The following TNRC6B variants were observed in gnomAD, a reference collection of about 807,000 sequenced individuals.
The protein encoded by TNRC6B is trinucleotide repeat containing adaptor 6B, also known as trinucleotide repeat-containing gene 6B protein.
In TNRC6B, 52 loss-of-function variants were observed where a neutral mutation model predicts 203.6. The ratio of observed to expected loss-of-function variants is 0.26; its 90% confidence interval spans 0.20 to 0.32. TNRC6B has a LOEUF of 0.32. Among genes scored for constraint, TNRC6B ranks in the 10% least tolerant of loss-of-function variants. TNRC6B has a pLI of 1.00. For synonymous variants in TNRC6B, 838 were observed against 845.7 expected, an observed-to-expected ratio of 0.99 and a Z score of 0.16; for missense variants, 1,923 against 2,286.2, an observed-to-expected ratio of 0.84 and a Z score of 3.24.
rs1042495636 is a variant in TNRC6B at position 40,329,043 on chromosome 22, CAAA to C, written c.*5808_*5810del. On this transcript the variant is annotated 3_prime_UTR_variant, in exon 23 of 23. Coordinates refer to ENST00000454349, the MANE Select transcript of TNRC6B (RefSeq NM_001162501.2). ...GCAAAAAAAAAAAACAAAAACAAAA[CAAA>C]AAAAAGCCTTGTTCTTTAATTGTGT... is the stretch of plus-strand genomic sequence containing the variant. The C allele has an allele frequency of 6.7e-6, 1 of 149,630 alleles. No homozygotes were observed. The highest frequency in any genetic ancestry group is 1.5e-5 in the Non-Finnish European group (1 of 67,250). The allele number at this position is 149,630 out of a possible 1,614,324, so 9.3% of individuals were successfully genotyped here.
intron 1 of TNRC6B, among the ~76,000 whole-genome samples, chr22:40,192,432 C>T (rs1055907033): frequency 2.0e-5 from 3 of 152,074 alleles, no homozygotes; most frequent in African/African-American, 4.8e-5. Flanking sequence ...GCCTAGCCAA[C>T]GTGGTGAAAC....
intron 1 of TNRC6B, among the ~76,000 whole-genome samples, chr22:40,075,157 T>TATATATATATATATATATATA (rs1491547107): frequency 1.0e-3 from 36 of 34,354 alleles, no homozygotes; most frequent in Admixed American, 1.7e-3. Context: ...TATATATATA[T>TATATATATATATATATATATA]TTTTTTTTTT....
At chr22:40,178,199 G>C in intron 1 of TNRC6B, 59 bp downstream of exon 1, 1 of 1,581,246 alleles carries the variant, frequency 6.3e-7, no homozygotes. Context: ...TTGTCTAACC[G>C]TTTTCACTGG....
At chr22:40,210,283 T>C (rs1342215149) in intron 1 of TNRC6B, among the ~76,000 whole-genome samples, 1 of 152,056 alleles carries the variant, frequency 6.6e-6, no homozygotes, top group Non-Finnish European at 1.5e-5. Context: ...AGACAGACAG[T>C]GAGTAAGAAA....
chr22:40,219,123 G>A (rs887082247), intron 1 of TNRC6B, among the ~76,000 whole-genome samples: 7 of 152,328 alleles, frequency 4.6e-5, no homozygotes, highest in Middle Eastern at 3.4e-3. Flanking sequence ...GTCACCCATT[G>A]TATAGGATTT....
chr22:40,146,369 A>G (rs2068695268), intron 3 of TNRC6B, among the ~76,000 whole-genome samples: 1 of 151,826 alleles, frequency 6.6e-6, no homozygotes, highest in South Asian at 2.1e-4. Flanking sequence ...GATGTGAAGG[A>G]AGCTTTCATG....
At chr22:40,231,688 T>C (rs1206914053) in intron 1 of TNRC6B, among the ~76,000 whole-genome samples, 2 of 152,186 alleles carry the variant, frequency 1.3e-5, no homozygotes, top group Non-Finnish European at 2.9e-5. Flanking sequence ...GATTTTAATA[T>C]AGGGAATCGA....
In TNRC6B at chr22:40,258,071, C is replaced by CTTTTTTTTTTT. The variant is rs56078653; in HGVS notation, c.116-3741_116-3731dup. ...GAAATCAGAAAATAGGATACACAGC[C>CTTTTTTTTTTT]TTTTTTTTTTTTTTTTTTTTTTTTT... On this transcript the variant is annotated intron_variant, in intron 3 of 22. Coordinates refer to ENST00000454349, the MANE Select transcript of TNRC6B (RefSeq NM_001162501.2). Among the ~76,000 whole-genome samples, 124 of 28,714 alleles carry CTTTTTTTTTTT rather than the reference C, an allele frequency of 4.3e-3. 18 individuals are homozygous for CTTTTTTTTTTT. Among genetic ancestry groups the CTTTTTTTTTTT allele is most frequent in the Non-Finnish European group, 6.5e-3 (101 of 15,532 alleles). The allele number at this position is 28,714 out of a possible 152,430, so 18.8% of individuals were successfully genotyped here. A position where few individuals can be genotyped will look rare whatever the true frequency, so the allele number is the denominator to read the frequency against.
intron 1 of TNRC6B, among the ~76,000 whole-genome samples, chr22:40,098,721 T>C (rs2068208062): frequency 6.6e-6 from 1 of 152,228 alleles, no homozygotes; most frequent in Non-Finnish European, 1.5e-5. Context: ...CATATTTCTT[T>C]AATTTTTTTT....
chr22:40,300,220 T>TA (rs1228459405), intron 12 of TNRC6B, among the ~76,000 whole-genome samples: 1 of 152,186 alleles, frequency 6.6e-6, no homozygotes, highest in Non-Finnish European at 1.5e-5. Flanking sequence ...TTATACTTTT[T>TA]ATTGTAGAAA....
chr22:40,225,612 G>A (rs1400490833), intron 1 of TNRC6B, among the ~76,000 whole-genome samples: 3 of 152,054 alleles, frequency 2.0e-5, no homozygotes, highest in East Asian at 1.9e-4. Flanking sequence ...GTGTGGCGGC[G>A]TGTGCCTGTA....
chr22:40,295,895 T>A (rs1212881738), intron 12 of TNRC6B, among the ~76,000 whole-genome samples: 1 of 152,068 alleles, frequency 6.6e-6, no homozygotes, highest in Non-Finnish European at 1.5e-5. Context: ...AAGAAGGACG[T>A]TCAAACCAAA....
At position 40,268,014 on chromosome 22, in the gene TNRC6B, C is replaced by G. The variant is rs117330909; in HGVS notation, c.2806+978C>G. On this transcript the variant is annotated intron_variant, in intron 5 of 22. Transcript: ENST00000454349. Reference sequence around the variant, plus strand: ...TTTGTCATTGTCAACTTGAATGTCCCTATAGAGCATATAGTTCAACAAATT... The same window carrying G: ...TTTGTCATTGTCAACTTGAATGTCCGTATAGAGCATATAGTTCAACAAATT... Among the ~76,000 whole-genome samples, 826 of 152,296 alleles carry G rather than the reference C, an allele frequency of 5.4e-3. 2 individuals carry two copies. Among genetic ancestry groups the G allele is most frequent in the Non-Finnish European group, 8.9e-3 (604 of 68,032 alleles).
At chr22:40,072,855 T>C (rs113188548) in intron 1 of TNRC6B, among the ~76,000 whole-genome samples, 5,107 of 113,008 alleles carry the variant, frequency 0.045, 304 homozygotes, top group African/African-American at 0.18. Context: ...CAGAGCGAGA[T>C]TCTCTCAAAA....
At chr22:40,296,830 G>T (rs1273494992) in intron 12 of TNRC6B, among the ~76,000 whole-genome samples, 1 of 152,124 alleles carries the variant, frequency 6.6e-6, no homozygotes. Flanking sequence ...GTTTTGCCAT[G>T]TTGGCCAAGC....
rs574335422 is a variant in TNRC6B, at chr22:40,248,998, G to A, written c.94-2181G>A. Among the ~76,000 whole-genome samples the A allele has an allele frequency of 5.3e-5, 8 of 152,272 alleles. No individual in the cohort carries two copies. The South Asian group carries it at 1.2e-3, about 24-fold the overall frequency. ...ATTGTAGAGACATCACCTCAGCTAG[G>A]AGCCATAAAATGTGCTATGATGCAA... On this transcript the variant is annotated intron_variant, in intron 2 of 22. Coordinates refer to ENST00000454349, the MANE Select transcript of TNRC6B (RefSeq NM_001162501.2).
chr22:40,069,327 A>G (rs2067926817), intron 1 of TNRC6B, among the ~76,000 whole-genome samples: 1 of 151,668 alleles, frequency 6.6e-6, no homozygotes, highest in African/African-American at 2.4e-5. Context: ...GCTGATCTCA[A>G]ACTCCTGGGC....
chr22:40,189,901 GA>G (rs1052044969), intron 1 of TNRC6B, among the ~76,000 whole-genome samples: 21 of 151,222 alleles, frequency 1.4e-4, no homozygotes, highest in Non-Finnish European at 4.4e-5. Flanking sequence ...TCATTTCAAA[GA>G]AAAAAAAATT....
At chr22:40,108,528 C>T (rs554621480) in intron 1 of TNRC6B, among the ~76,000 whole-genome samples, 3 of 152,338 alleles carry the variant, frequency 2.0e-5, no homozygotes, top group South Asian at 4.1e-4. Context: ...AAGACCCTTT[C>T]AGAAGGTCAC....
Sources: gnomAD v4.1 joint callset for allele counts (sites outside exome capture counted in the v4.1 genomes callset) on GRCh38, gnomAD v4.1.1 for gene constraint, MANE v1.5 for transcripts, NCBI Gene and HGNC (gene_info 2026-07-23, HGNC 2026-07-21) for gene names.